PTPRD: variants seen among roughly 807,000 people sequenced by gnomAD.
PTPRD encodes protein tyrosine phosphatase receptor type D.
A neutral mutation model predicts 214.5 loss-of-function variants in PTPRD; 34 were observed. That is an observed-to-expected ratio of 0.16 (90% CI 0.12 to 0.21). The LOEUF is 0.21. Ranked by LOEUF, PTPRD falls within the 10% of genes least tolerant of loss-of-function variation. The pLI is 1.00. For missense variants in PTPRD, 2,545 were observed against 2,398.7 expected (o/e 1.06, Z -1.27); for synonymous variants, 1,128 against 845.7 (o/e 1.33, Z -5.79).
intron 4 of PTPRD, among the ~76,000 whole-genome samples, chr9:9,948,335 C>T (rs2093047280): frequency 6.6e-6 from 1 of 152,020 alleles, no homozygotes; most frequent in Non-Finnish European, 1.5e-5. Flanking sequence ...TTGGGATATT[C>T]TAGGAAGGGA....
At chr9:8,973,147 A>G (rs1235362692) in intron 11 of PTPRD, among the ~76,000 whole-genome samples, 1 of 151,956 alleles carries the variant, frequency 6.6e-6, no homozygotes, top group Non-Finnish European at 1.5e-5. Context: ...GATTTGTTAG[A>G]TGAATATATT....
At chr9:8,573,559 C>A (rs1385128530) in intron 14 of PTPRD, among the ~76,000 whole-genome samples, 2 of 151,888 alleles carry the variant, frequency 1.3e-5, no homozygotes, top group Non-Finnish European at 2.9e-5. Flanking sequence ...TAAAGCCAGA[C>A]AGAATTCATT....
intron 2 of PTPRD, among the ~76,000 whole-genome samples, chr9:10,526,843 G>T (rs893004651): frequency 1.3e-5 from 2 of 152,062 alleles, no homozygotes; most frequent in Admixed American, 6.6e-5. Flanking sequence ...ACCTCAGAAA[G>T]AGGGGAATGG....
chr9:8,817,831 C>T (rs1426430889), intron 11 of PTPRD, among the ~76,000 whole-genome samples: 1 of 152,090 alleles, frequency 6.6e-6, no homozygotes, highest in Non-Finnish European at 1.5e-5. Flanking sequence ...TTTCAAGATT[C>T]CTGATGACCA....
chr9:9,002,588 A>G (rs1356221639), intron 11 of PTPRD, among the ~76,000 whole-genome samples: 1 of 152,080 alleles, frequency 6.6e-6, no homozygotes. Flanking sequence ...CACCAACAAT[A>G]AGGCCCTTTA....
intron 8 of PTPRD, among the ~76,000 whole-genome samples, chr9:9,401,656 G>A (rs948777209): frequency 6.0e-5 from 9 of 150,898 alleles, no homozygotes; most frequent in African/African-American, 2.2e-4. Flanking sequence ...TCATTGATAC[G>A]GTTTTTCTAC....
At chr9:9,231,852 C>T (rs62529550) in intron 9 of PTPRD, among the ~76,000 whole-genome samples, 4 of 151,882 alleles carry the variant, frequency 2.6e-5, no homozygotes, top group Non-Finnish European at 5.9e-5. Context: ...ATTTACATTA[C>T]GTATTTTCCC....
At chr9:9,129,383 C>A (rs1410405037) in intron 10 of PTPRD, among the ~76,000 whole-genome samples, 2 of 152,002 alleles carry the variant, frequency 1.3e-5, no homozygotes, top group Non-Finnish European at 2.9e-5. Flanking sequence ...GAGACTCCGT[C>A]TCAATAAATA....
intron 8 of PTPRD, among the ~76,000 whole-genome samples, chr9:9,449,184 A>G (rs1355938722): frequency 6.6e-6 from 1 of 152,100 alleles, no homozygotes; most frequent in Admixed American, 6.6e-5. Context: ...AACAATAAAA[A>G]CAAAACAGAA....
intron 8 of PTPRD, among the ~76,000 whole-genome samples, chr9:9,404,595 G>A (rs373169413): frequency 3.3e-5 from 5 of 152,050 alleles, no homozygotes; most frequent in South Asian, 2.1e-4. Context: ...GTTGATTAGC[G>A]TCAACACACA....
chr9:9,351,184 A>G (rs2151325), intron 9 of PTPRD, among the ~76,000 whole-genome samples: 93,138 of 151,824 alleles, frequency 0.61, 28,854 homozygotes, highest in Middle Eastern at 0.73. Context: ...AAATGTACAG[A>G]TTTGAGTTTT....
chr9:8,654,310 G>C (rs945324754), intron 12 of PTPRD, among the ~76,000 whole-genome samples: 2 of 152,072 alleles, frequency 1.3e-5, no homozygotes, highest in African/African-American at 4.8e-5. Flanking sequence ...ATTTCACCTA[G>C]CTTATAAGTG....
At chr9:10,137,704 A>T (rs1190460286) in intron 3 of PTPRD, among the ~76,000 whole-genome samples, 9 of 22,868 alleles carry the variant, frequency 3.9e-4, no homozygotes, top group Non-Finnish European at 1.3e-3. Context: ...AGTATAATAA[A>T]AAAAAAAAAA....
chr9:8,367,906 C>G (rs1297017161), intron 39 of PTPRD, among the ~76,000 whole-genome samples: 1 of 152,166 alleles, frequency 6.6e-6, no homozygotes, highest in Non-Finnish European at 1.5e-5. Context: ...AGAAATACCA[C>G]TATTATCCCC....
chr9:9,879,718 A>G (rs1370535008), intron 5 of PTPRD, among the ~76,000 whole-genome samples: 2 of 152,146 alleles, frequency 1.3e-5, no homozygotes, highest in African/African-American at 4.8e-5. Flanking sequence ...AAGAGGTGAG[A>G]TGTCTCTGAG....
At chr9:9,937,633 C>T (rs2090027442) in intron 5 of PTPRD, among the ~76,000 whole-genome samples, 2 of 151,870 alleles carry the variant, frequency 1.3e-5, no homozygotes, top group African/African-American at 2.4e-5. Flanking sequence ...ATAAATAGAC[C>T]AAATACTTAT....
At chr9:8,653,723 T>C (rs1043067536) in intron 12 of PTPRD, among the ~76,000 whole-genome samples, 6 of 152,194 alleles carry the variant, frequency 3.9e-5, no homozygotes, top group Non-Finnish European at 8.8e-5. Flanking sequence ...AAGAGATCGA[T>C]GCTTTTGCCT....
At chr9:10,323,513 T>G (rs1597112542) in intron 3 of PTPRD, among the ~76,000 whole-genome samples, 1 of 151,524 alleles carries the variant, frequency 6.6e-6, no homozygotes, top group East Asian at 2.0e-4. Flanking sequence ...ACTGTGTTTC[T>G]CAGACTGGTC....
intron 25 of PTPRD, among the ~76,000 whole-genome samples, chr9:8,498,752 C>A (rs1158578902): frequency 6.6e-6 from 1 of 152,162 alleles, no homozygotes; most frequent in African/African-American, 2.4e-5. Context: ...CCATTTGACA[C>A]AGCAAAGGTA....
Sources: allele counts gnomAD v4.1 joint callset (sites outside exome capture counted in the v4.1 genomes callset), GRCh38; gene constraint gnomAD v4.1.1; transcripts MANE v1.5; gene names NCBI Gene and HGNC (gene_info 2026-07-23, HGNC 2026-07-21).